The following MGST1 variants were observed in gnomAD, a reference collection of about 807,000 sequenced individuals.
MGST1 encodes microsomal glutathione S-transferase 1, also known as glutathione S-transferase 12.
MGST1 carries 5 observed loss-of-function variants against 8.9 expected under a neutral mutation model. The observed-to-expected ratio is 0.56, with a 90% CI of 0.29 to 1.19. The LOEUF (loss-of-function observed/expected upper bound fraction) is 1.19. Among genes scored for constraint, MGST1 ranks in the 50% most tolerant of loss-of-function variants. MGST1 has a pLI of 0.08. For missense variants in MGST1, 182 were observed against 187.4 expected (o/e 0.97, Z 0.17); for synonymous variants, 54 against 67.8 (o/e 0.80, Z 1.00).
At chr12:16,487,319 A>G (rs1207700999) in intron 4 of MGST1, among the ~76,000 whole-genome samples, 1 of 152,216 alleles carries the variant, frequency 6.6e-6, no homozygotes, top group African/African-American at 2.4e-5. Flanking sequence ...CAAACCTAGA[A>G]AACTTTATAG....
At chr12:16,407,848 G>A (rs537729229) in intron 1 of MGST1, among the ~76,000 whole-genome samples, 58 of 151,818 alleles carry the variant, frequency 3.8e-4, no homozygotes, top group Middle Eastern at 3.4e-3. Context: ...CCTGGCCAAC[G>A]TGGTGAAACC....
intron 1 of MGST1, among the ~76,000 whole-genome samples, chr12:16,404,564 T>G (rs1359071899): frequency 6.6e-6 from 1 of 152,088 alleles, no homozygotes; most frequent in Non-Finnish European, 1.5e-5. Flanking sequence ...AAAATAGTTA[T>G]TCTGTAAATT....
At position 16,546,943 on chromosome 12, in the gene MGST1, G is replaced by A. The variant is rs1203593632; in HGVS notation, n.483-42585G>A. On this transcript the variant is annotated intron_variant and non_coding_transcript_variant, in intron 4 of 4. Coordinates refer to the MGST1 transcript ENST00000538857. This position sits in a 1 kb window ranked among gnomAD's most constrained non-coding sequence, Gnocchi z 4.7. ...CAGGAAAAGTTACTGAAATTAAATC[G>A]TGTGTATACTAAAGCGTTGTAAAAT... is the stretch of plus-strand genomic sequence containing the variant. Among the ~76,000 whole-genome samples the A allele has an allele frequency of 2.0e-5, 3 of 152,080 alleles. No individual in the cohort carries two copies. Among genetic ancestry groups the A allele is most frequent in the South Asian group, 2.1e-4 (1 of 4,808 alleles).
At chr12:16,431,003 C>A in intron 1 of MGST1, among the ~76,000 whole-genome samples, 1 of 152,208 alleles carries the variant, frequency 6.6e-6, no homozygotes, top group Admixed American at 6.5e-5. Context: ...ACATAACTTG[C>A]CGAAGCTTCT....
At chr12:16,423,076 C>T (rs1389795142) in intron 1 of MGST1, among the ~76,000 whole-genome samples, 3 of 152,182 alleles carry the variant, frequency 2.0e-5, no homozygotes, top group African/African-American at 7.2e-5. Flanking sequence ...GCTCTTTAAG[C>T]CACAGCCTGG....
At chr12:16,499,123 A>G (rs568701963) in intron 4 of MGST1, among the ~76,000 whole-genome samples, 1 of 152,188 alleles carries the variant, frequency 6.6e-6, no homozygotes, top group Non-Finnish European at 1.5e-5. Context: ...CAGTTTTGAC[A>G]TATAATCTCT....
intron 4 of MGST1, among the ~76,000 whole-genome samples, chr12:16,528,275 T>C (rs80272169): frequency 2.1e-4 from 32 of 152,102 alleles, no homozygotes; most frequent in Non-Finnish European, 4.1e-4. Context: ...CACACAGATA[T>C]CATCGTAGGC....
intron 4 of MGST1, among the ~76,000 whole-genome samples, chr12:16,568,114 G>A (rs1445180324): frequency 6.6e-6 from 1 of 152,160 alleles, no homozygotes; most frequent in Non-Finnish European, 1.5e-5. Flanking sequence ...AAGAGATCTT[G>A]GTGAAAGTTA....
chr12:16,401,244 CT>C lies in MGST1; in HGVS notation n.778+17645del. On this transcript the variant is annotated intron_variant and non_coding_transcript_variant, in intron 1 of 1. Transcript: ENST00000359720. The surrounding 1 kb of genome is among the most constrained non-coding windows in gnomAD (Gnocchi z 4.3). The stretch of plus-strand genomic sequence containing the variant: ...ACAGGGCATAGGTTTTCTCTTCTGG[CT>C]TTTTCCCCTCCTTGTTAGTCAGGTC... The C allele has an allele frequency of 3.8e-6, 6 of 1,568,196 alleles. No homozygotes were observed. The highest frequency in any genetic ancestry group is 1.4e-5 in the African/African-American group (1 of 74,054).
chr12:16,541,464 T>A (rs1941792950), intron 4 of MGST1, among the ~76,000 whole-genome samples: 1 of 152,206 alleles, frequency 6.6e-6, no homozygotes, highest in Non-Finnish European at 1.5e-5. Flanking sequence ...TGAAAATACC[T>A]TTGCTATTTC....
chr12:16,573,268 T>C (rs1942882069), intron 4 of MGST1, among the ~76,000 whole-genome samples: 2 of 152,080 alleles, frequency 1.3e-5, no homozygotes, highest in South Asian at 4.1e-4. Flanking sequence ...CAGGTCCAAT[T>C]TAAAATCATT....
At chr12:16,422,081 C>T (rs11056934) in intron 1 of MGST1, among the ~76,000 whole-genome samples, 20,314 of 152,090 alleles carry the variant, frequency 0.13, 1,874 homozygotes, top group East Asian at 0.5. Context: ...ATAGATACTC[C>T]ATTCTTGCAC....
intron 4 of MGST1, among the ~76,000 whole-genome samples, chr12:16,580,690 A>T (rs1943134059): frequency 6.6e-6 from 1 of 152,218 alleles, no homozygotes; most frequent in Non-Finnish European, 1.5e-5. Context: ...ATACATGTGC[A>T]TAAATACAGG....
chr12:16,348,761 C>G (rs1426679838), intron 1 of MGST1: 1 of 145,844 alleles, frequency 6.9e-6, no homozygotes, highest in Non-Finnish European at 1.5e-5. Flanking sequence ...TCTGCTGTTT[C>G]CAAAATAAGA....
At chr12:16,470,784 A>C (rs985836199) in intron 4 of MGST1, among the ~76,000 whole-genome samples, 1 of 152,220 alleles carries the variant, frequency 6.6e-6, no homozygotes, top group South Asian at 2.1e-4. Context: ...TGAAAAAATC[A>C]ATAATAAACT....
chr12:16,572,259 C>A (rs1005043877), intron 4 of MGST1, among the ~76,000 whole-genome samples: 1 of 151,048 alleles, frequency 6.6e-6, no homozygotes, highest in Admixed American at 6.6e-5. Context: ...ACAATAAAAC[C>A]TGTAGATTAC....
chr12:16,502,690 A>C (rs1307158151), intron 4 of MGST1, among the ~76,000 whole-genome samples: 1 of 152,218 alleles, frequency 6.6e-6, no homozygotes, highest in African/African-American at 2.4e-5. Flanking sequence ...CTAAATGGTT[A>C]GAAAACAAAC....
intron 4 of MGST1, among the ~76,000 whole-genome samples, chr12:16,474,096 C>G (rs1373198951): frequency 2.0e-5 from 3 of 152,146 alleles, no homozygotes; most frequent in Non-Finnish European, 2.9e-5. Flanking sequence ...TGGAACAGCT[C>G]CCATTACTGA....
At chr12:16,445,386 T>G (rs1941071867) in intron 4 of MGST1, among the ~76,000 whole-genome samples, 1 of 151,916 alleles carries the variant, frequency 6.6e-6, no homozygotes, top group South Asian at 2.1e-4. Flanking sequence ...TCTTCTACCC[T>G]CCAGGTCTCA....
Sources: gnomAD v4.1 joint callset for allele counts (sites outside exome capture counted in the v4.1 genomes callset) on GRCh38, gnomAD v4.1.1 for gene constraint, Gnocchi (gnomAD v3.1) non-coding constraint, MANE v1.5 for transcripts, NCBI Gene and HGNC (gene_info 2026-07-23, HGNC 2026-07-21) for gene names.